The following L3MBTL1 variants were observed in gnomAD, a reference collection of about 807,000 sequenced individuals.
L3MBTL1 encodes lethal(3)malignant brain tumor-like protein 1.
Under a neutral mutation model 105.3 loss-of-function variants are expected in L3MBTL1, and 75 were observed. The observed-to-expected ratio is 0.71, with a 90% CI of 0.59 to 0.86. The LOEUF (loss-of-function observed/expected upper bound fraction) is 0.86. Among genes scored for constraint, L3MBTL1 ranks in the 40% least tolerant of loss-of-function variants. The pLI, the probability that L3MBTL1 is intolerant of heterozygous loss-of-function variation, is 0.00. For missense variants in L3MBTL1, 1,069 were observed against 1,126.4 expected, an observed-to-expected ratio of 0.95 and a Z score of 0.73; for synonymous variants, 452 against 436.2, an observed-to-expected ratio of 1.04 and a Z score of -0.45.
rs2019904568 is a variant in L3MBTL1, at chr20:43,541,293, C to T, written c.*165C>T. On this transcript the variant is annotated 3_prime_UTR_variant, in exon 22 of 22. Transcript: ENST00000418998. ...AAAGAATGTCAGCTTTGGAGACAGT[C>T]TGGGTTTAAATCCCAGTTCTGTCAA... 6.0e-6 allele frequency: 8 copies of T among 1,337,004 alleles called. No individual in the cohort carries two copies. The highest frequency in any genetic ancestry group is 7.9e-6 in the Non-Finnish European group (8 of 1,011,452). The allele number at this position is 1,337,004 out of a possible 1,614,324, so 82.8% of individuals were successfully genotyped here. A position where few individuals can be genotyped will look rare whatever the true frequency, so the allele number is the denominator to read the frequency against.
chr20:43,543,083 C>T (rs1978333378), downstream of L3MBTL1, among the ~76,000 whole-genome samples: 1 of 151,422 alleles, frequency 6.6e-6, no homozygotes, highest in African/African-American at 2.4e-5. Context: ...ACCAAATTTT[C>T]CAGTGAGTAC....
At chr20:43,536,602 A>G in intron 19 of L3MBTL1, 144 bp downstream of exon 19, 1 of 937,302 alleles carries the variant, frequency 1.1e-6, no homozygotes, top group South Asian at 1.5e-5. Flanking sequence ...TACTGAGAGC[A>G]CAGAGCAGTG....
chr20:43,533,962 G>T lies in L3MBTL1; in HGVS notation c.1514-46G>T, dbSNP rs557284966. 8.5e-6 allele frequency: 12 copies of T among 1,404,166 alleles called. No individual in the cohort carries two copies. The African/African-American group carries it at 1.6e-4, about 18-fold the overall frequency. 87.0% of individuals were successfully genotyped at this position (1,404,166 alleles called of 1,614,324 possible). On this transcript the variant is annotated intron_variant, in intron 13 of 21. Coordinates refer to ENST00000418998, the MANE Select transcript of L3MBTL1 (RefSeq NM_001377303.1). ...TCCTGCTTGGGGGCAGAGGGCTTCC[G>T]CAGTACACCTGGGTGGCTAGACATT...
In L3MBTL1 at chr20:43,540,163, A is replaced by C. The variant is rs760465225; in HGVS notation, c.2186A>C (p.Asp729Ala). The C allele has an allele frequency of 6.2e-7, 1 of 1,612,344 alleles. No individual in the cohort carries two copies. Among genetic ancestry groups the C allele is most frequent in the South Asian group, 1.1e-5 (1 of 91,074 alleles). Reference sequence around the variant, plus strand: ...CTCTGCTTTCCAGCCCTCACGCCCGATGTCGTGCACCAGTCCCTCTTCATG... The same window carrying C: ...CTCTGCTTTCCAGCCCTCACGCCCGCTGTCGTGCACCAGTCCCTCTTCATG... The part of the protein sequence containing the change: ...PQEDFQTLTP[D>A]VVHQSLFMSA... The change falls in exon 20 of 22, where the codon GAT (aspartate) becomes GCT (alanine). Residue 729 changes from aspartate (D) to alanine (A), a missense_variant. Coordinates refer to ENST00000418998, the MANE Select transcript of L3MBTL1 (RefSeq NM_001377303.1).
rs905869167 is a variant in L3MBTL1 at position 43,514,865 on chromosome 20, G to A, written c.502+89G>A. ...CAGAAGGTTCGGGGGCGGGGCCCGG[G>A]GTGGTCCTGGGGTGGAGAAGGCTGG... On this transcript the variant is annotated intron_variant, in intron 4 of 21. Transcript: ENST00000418998. 6 of 1,457,006 alleles carry A rather than the reference G, an allele frequency of 4.1e-6. No individual in the cohort carries two copies. In the African/African-American group the frequency reaches 7.0e-5, roughly 17 times the overall value. 90.3% of individuals were successfully genotyped at this position (1,457,006 alleles called of 1,614,324 possible). A position where few individuals can be genotyped will look rare whatever the true frequency, so the allele number is the denominator to read the frequency against.
At chr20:43,544,426 G>A (rs1284619577), downstream of L3MBTL1, among the ~76,000 whole-genome samples, 2 of 152,094 alleles carry the variant, frequency 1.3e-5, no homozygotes, top group Non-Finnish European at 2.9e-5. Context: ...CTACCTTCAA[G>A]GTCAGAACAT....
At chr20:43,549,523 A>G (rs924361938) in exon 19 of L3MBTL1, 1 of 152,222 alleles carries the variant, frequency 6.6e-6, no homozygotes, top group African/African-American at 2.4e-5. Context: ...CTCAGTCCAC[A>G]TAGGAACCCA....
chr20:43,515,296 G>A lies in L3MBTL1; in HGVS notation c.658G>A (p.Val220Ile), dbSNP rs145435727. 5.0e-3 allele frequency: 8,035 copies of A among 1,606,498 alleles called. 25 individuals are homozygous for A. The highest frequency in any genetic ancestry group is 5.8e-3 in the Non-Finnish European group (6,845 of 1,176,134). ...GCPQLFQERS[V>I]IVENSSGSTS... The stretch of plus-strand genomic sequence containing the variant: ...CTAAGGCTGGCCCTTCCTCAGGTCA[G>A]TCATAGTGGAGAACTCCTCAGGCTC... Residue 220 changes from valine (V) to isoleucine (I), a missense_variant, in exon 6 of 22, where the codon GTC (valine) becomes ATC (isoleucine). Val to Ile is a conservative substitution (Grantham distance 29, BLOSUM62 3). Transcript: ENST00000418998.
chr20:43,537,841 CAT>C (rs2019709452), intron 19 of L3MBTL1, among the ~76,000 whole-genome samples: 2 of 152,310 alleles, frequency 1.3e-5, no homozygotes, highest in African/African-American at 2.4e-5. Flanking sequence ...CAGTAAGTAA[CAT>C]AGTGATAAAA....
At position 43,516,252 on chromosome 20, in the gene L3MBTL1, G is replaced by A. The variant is rs1459446956; in HGVS notation, c.862+75G>A. ...TTGGAGGTGTGAGGCTGAGAATGTG[G>A]GTTATGATTGTGATGGTAGGTTGTA... is the stretch of plus-strand genomic sequence containing the variant. On this transcript the variant is annotated intron_variant, in intron 7 of 21. Transcript: ENST00000418998. 11 of 1,070,228 alleles carry A rather than the reference G, an allele frequency of 1.0e-5. No individual in the cohort carries two copies. The Admixed American group carries it at 1.5e-4, about 15-fold the overall frequency. The allele number at this position is 1,070,228 out of a possible 1,614,324, so 66.3% of individuals were successfully genotyped here.
Position 43,514,009 on chromosome 20 carries a change from G to C in L3MBTL1, c.308G>C (p.Arg103Pro). ...GCCAGCTCCAGCACCAGCACAGTGC[G>C]GCTTCTGGAATGGACAGAGGCCGCG... ...GPASSSTSTV[R>P]LLEWTEAAAP... Residue 103 changes from arginine to proline, a missense_variant, in exon 3 of 22, where the codon CGG (arginine) becomes CCG (proline). Arg to Pro is a moderately radical substitution (Grantham distance 103). Transcript: ENST00000418998. The C allele has an allele frequency of 6.5e-7, 1 of 1,541,702 alleles. No individual in the cohort carries two copies. The highest frequency in any genetic ancestry group is 8.7e-7 in the Non-Finnish European group (1 of 1,146,818).
At chr20:43,525,445 C>A (rs1312274138) in intron 7 of L3MBTL1, among the ~76,000 whole-genome samples, 2 of 152,138 alleles carry the variant, frequency 1.3e-5, no homozygotes, top group Admixed American at 6.5e-5. Context: ...AAAAGGGCAA[C>A]CTTTCTTCAC....
chr20:43,518,626 C>G (rs1249428782), intron 7 of L3MBTL1, among the ~76,000 whole-genome samples: 2 of 151,932 alleles, frequency 1.3e-5, no homozygotes, highest in Non-Finnish European at 2.9e-5. Context: ...TCCAAGAACC[C>G]CAGTGGACGC....
At chr20:43,517,864 C>T (rs2018482257) in intron 7 of L3MBTL1, among the ~76,000 whole-genome samples, 1 of 152,234 alleles carries the variant, frequency 6.6e-6, no homozygotes, top group Non-Finnish European at 1.5e-5. Flanking sequence ...CTTCTTCCAA[C>T]TTCTGCCCAT....
Position 43,528,958 on chromosome 20 carries a change from C to T in L3MBTL1, c.951+213C>T, listed in dbSNP as rs1263655518. 5 of 605,754 alleles carry T rather than the reference C, an allele frequency of 8.3e-6. No homozygotes were observed. In the Admixed American group the frequency reaches 1.2e-4, roughly 14 times the overall value. 37.5% of individuals were successfully genotyped at this position (605,754 alleles called of 1,614,324 possible). ...GAAACAGAGAGGTGGAAGCTAGGCT[C>T]ACTCATCACTGGGCCTGCAGACTTT... is the stretch of plus-strand genomic sequence containing the variant. On this transcript the variant is annotated intron_variant, in intron 8 of 21. Transcript: ENST00000418998.
Position 43,540,991 on chromosome 20 carries a change from C to T in L3MBTL1, c.2452C>T (p.Gln818Ter). Residue 818 changes from glutamine to a stop codon, truncating the protein, a stop_gained, in exon 22 of 22, where the codon CAG becomes TAG. Coordinates refer to ENST00000418998, the MANE Select transcript of L3MBTL1 (RefSeq NM_001377303.1). LOFTEE classifies it low-confidence loss of function (END_TRUNC). Reference protein sequence around the residue: ...SGKTLVWTVAQLGDLVCSDHL... With the variant: ...SGKTLVWTVA Reference sequence around the variant, plus strand: ...GAAGACTCTAGTCTGGACTGTGGCCCAGCTTGGGGACCTTGTGTGCTCAGA... The same window carrying T: ...GAAGACTCTAGTCTGGACTGTGGCCTAGCTTGGGGACCTTGTGTGCTCAGA... The T allele has an allele frequency of 1.2e-6, 2 of 1,614,160 alleles. No homozygotes were observed. The highest frequency in any genetic ancestry group is 1.1e-5 in the South Asian group (1 of 91,082).
intron 1 of L3MBTL1, among the ~76,000 whole-genome samples, chr20:43,508,349 C>A (rs2018041276): frequency 6.6e-6 from 1 of 152,162 alleles, no homozygotes; most frequent in South Asian, 2.1e-4. Context: ...GGTCCCGATC[C>A]TGGAACCCTG....
At chr20:43,509,861 C>CTATT (rs951060871) in intron 1 of L3MBTL1, among the ~76,000 whole-genome samples, 19 of 152,178 alleles carry the variant, frequency 1.2e-4, no homozygotes, top group Admixed American at 7.8e-4. Flanking sequence ...AAGATTAACT[C>CTATT]TATTTATTTA....
At chr20:43,524,543 G>C (rs2018914719) in intron 7 of L3MBTL1, among the ~76,000 whole-genome samples, 1 of 152,170 alleles carries the variant, frequency 6.6e-6, no homozygotes, top group Non-Finnish European at 1.5e-5. Flanking sequence ...GGCTGTCACA[G>C]AACAAACTCT....
Sources: gnomAD v4.1 joint callset for allele counts (sites outside exome capture counted in the v4.1 genomes callset) on GRCh38, gnomAD v4.1.1 for gene constraint, MANE v1.5 for transcripts, NCBI Gene and HGNC (gene_info 2026-07-23, HGNC 2026-07-21) for gene names.